Variants in GMIP observed in about 807,000 individuals in gnomAD.
The protein encoded by GMIP is GEM interacting protein.
GMIP carries 54 observed loss-of-function variants against 105.3 expected under a neutral mutation model. The observed-to-expected ratio is 0.51, with a 90% confidence interval of 0.41 to 0.64. The LOEUF (loss-of-function observed/expected upper bound fraction) is 0.64. Among genes scored for constraint, GMIP ranks in the 30% least tolerant of loss-of-function variants. The pLI is 0.00. For synonymous variants in GMIP, 541 were observed against 560.8 expected (o/e 0.96, Z 0.50); for missense variants, 1,110 against 1,319.4 (o/e 0.84, Z 2.46).
intron 2 of GMIP, 85 bp from the exon 3 acceptor site, chr19:19,642,136 G>T: frequency 1.3e-6 from 1 of 778,340 alleles, no homozygotes. Context: ...GTTGTTTGTG[G>T]CAAACATCAC....
chr19:19,642,002 G>T lies in GMIP; in HGVS notation c.154C>A (p.Pro52Thr), dbSNP rs1289259295. 23 of 1,613,736 alleles carry T rather than the reference G, an allele frequency of 1.4e-5. No individual in the cohort carries two copies. Among genetic ancestry groups the T allele is most frequent in the Non-Finnish European group, 1.9e-5 (23 of 1,179,690 alleles). ...GDPLLSEDPE[P>T]DKTPTATVTN... is the part of the protein sequence containing the mutation. ...ACAGTGGCTGTAGGGGTCTTGTCAG[G>T]TTCTGGGTCTTCTGAGAGTAGAGGG... Residue 52 changes from proline (P) to threonine (T), a missense_variant, in exon 3 of 21, where the codon CCT becomes ACT. Physicochemically the swap from Pro to Thr is conservative, Grantham distance 38. Around this residue, in one of 3 missense-constraint regions of GMIP, gnomAD observed 667 missense variants for 773.2 expected, o/e 0.86. Coordinates refer to ENST00000203556, the MANE Select transcript of GMIP (RefSeq NM_016573.4).
intron 19 of GMIP, among the ~76,000 whole-genome samples, chr19:19,633,045 T>G (rs963312148): frequency 6.6e-6 from 1 of 151,416 alleles, no homozygotes; most frequent in Non-Finnish European, 1.5e-5. Flanking sequence ...CCTGGTGTCA[T>G]GTGTCTTACT....
chr19:19,630,442 A>G lies in GMIP; in HGVS notation c.2539+29T>C, dbSNP rs199879353. 7.4e-6 allele frequency: 12 copies of G among 1,610,760 alleles called. No homozygotes were observed. In the East Asian group the frequency reaches 2.7e-4, roughly 36 times the overall value. On this transcript the variant is annotated intron_variant, in intron 20 of 20. Transcript: ENST00000203556. The surrounding 1 kb of genome is among the most constrained non-coding windows in gnomAD (Gnocchi z 4.8). Reference sequence around the variant, plus strand: ...ACCCTGGGGCCAGGGCACCCCCAGAACTCCTGAGCCTCTCTCTAACATACT... The same window carrying G: ...ACCCTGGGGCCAGGGCACCCCCAGAGCTCCTGAGCCTCTCTCTAACATACT...
Position 19,635,398 on chromosome 19 carries a change from A to G in GMIP, c.1560+17T>C, listed in dbSNP as rs1460791822. 1.9e-6 allele frequency: 3 copies of G among 1,606,182 alleles called. No individual in the cohort carries two copies. In the African/African-American group the frequency reaches 4.0e-5, roughly 21 times the overall value. On this transcript the variant is annotated intron_variant, in intron 15 of 20. Coordinates refer to ENST00000203556, the MANE Select transcript of GMIP (RefSeq NM_016573.4). This position sits in a 1 kb window ranked among gnomAD's most constrained non-coding sequence, Gnocchi z 4.7. ...AAGGGTCAGCAAAGGTCATTTGGTC[A>G]TTAACCCAGGCCACACCTCCTCACA...
At chr19:19,643,272 T>C (rs1033027489) in intron 1 of GMIP, 12 of 475,614 alleles carry the variant, frequency 2.5e-5, no homozygotes, top group Non-Finnish European at 4.2e-5. Context: ...TCACTTCCCC[T>C]TCCTGGGCCC....
Position 19,636,804 on chromosome 19 carries a change from G to T in GMIP, c.1238-8C>A. The T allele has an allele frequency of 6.2e-7, 1 of 1,606,882 alleles. No individual in the cohort carries two copies. Among genetic ancestry groups the T allele is most frequent in the Non-Finnish European group, 8.5e-7 (1 of 1,175,452 alleles). ...GAGTGGGGCCTGGAGTCCCTAGGTGGCACAGGTCAATAAGGATGGTCCCCT... is the reference window on the plus strand; with the variant it reads ...GAGTGGGGCCTGGAGTCCCTAGGTGTCACAGGTCAATAAGGATGGTCCCCT... On this transcript the variant is annotated splice_polypyrimidine_tract_variant and splice_region_variant and intron_variant, in intron 12 of 20. Transcript: ENST00000203556.
intron 7 of GMIP, among the ~76,000 whole-genome samples, chr19:19,639,709 C>A (rs756289322): frequency 1.3e-5 from 2 of 151,934 alleles, no homozygotes; most frequent in Non-Finnish European, 2.9e-5. Context: ...ATTAGCCGGG[C>A]GTGGTGGCAG....
At chr19:19,642,081 C>T in intron 2 of GMIP, 30 bp from the exon 3 acceptor site, 7 of 1,501,308 alleles carry the variant, frequency 4.7e-6, no homozygotes, top group Non-Finnish European at 6.5e-6. Flanking sequence ...CAGGATGCCA[C>T]CTTACACCCA....
At position 19,634,629 on chromosome 19, in the gene GMIP, A is replaced by G; in HGVS notation, c.1962T>C (p.Pro654=). The part of the protein sequence containing the change: ...ISLAKTLHAD[P]GDDPGTPSPS... ...GGCTGGGGGTCCCAGGGTCGTCCCC[A>G]GGGTCTGCATGCAAGGTCTTAGCCA... is the stretch of plus-strand genomic sequence containing the variant. Residue 654 remains proline (P), a synonymous_variant, in exon 18 of 21, where the codon CCT becomes CCC. Coordinates refer to ENST00000203556, the MANE Select transcript of GMIP (RefSeq NM_016573.4). This position sits in a 1 kb window ranked among gnomAD's most constrained non-coding sequence, Gnocchi z 6.1. 2 of 1,613,392 alleles carry G rather than the reference A, an allele frequency of 1.2e-6. No individual in the cohort carries two copies. The highest frequency in any genetic ancestry group is 8.5e-7 in the Non-Finnish European group (1 of 1,179,760).
In GMIP at chr19:19,634,147, G is replaced by A. The variant is rs1029316590; in HGVS notation, c.2128C>T (p.Leu710=). 6.2e-7 allele frequency: 1 copy of A among 1,608,058 alleles called. No individual in the cohort carries two copies. Among genetic ancestry groups the A allele is most frequent in the Non-Finnish European group, 8.5e-7 (1 of 1,176,188 alleles). The change falls in exon 19 of 21, where the codon CTG becomes TTG. Residue 710 remains leucine, a synonymous_variant. Transcript: ENST00000203556. This position sits in a 1 kb window ranked among gnomAD's most constrained non-coding sequence, Gnocchi z 6.1. The part of the protein sequence containing the change: ...FMENKMSANN[L]GIVFGPTLLR... Reference sequence around the variant, plus strand: ...AGTGTCGGCCCAAACACAATGCCCAGGTTGTTGGCAGACATCTTGTTTTCC... The same window carrying A: ...AGTGTCGGCCCAAACACAATGCCCAAGTTGTTGGCAGACATCTTGTTTTCC...
At position 19,634,100 on chromosome 19, in the gene GMIP, C is replaced by T. The variant is rs45521232; in HGVS notation, c.2175G>A (p.Pro725=). 2.5e-5 allele frequency: 40 copies of T among 1,612,762 alleles called. No homozygotes were observed. Among genetic ancestry groups the T allele is most frequent in the Admixed American group, 1.7e-4 (10 of 59,970 alleles). Reference sequence around the variant, plus strand: ...TGACAGGGATGGCGCTGGCTGCCCGCGGGCCGTCCGGCGGCCGCAGCAGTG... The same window carrying T: ...TGACAGGGATGGCGCTGGCTGCCCGTGGGCCGTCCGGCGGCCGCAGCAGTG... ...GPTLLRPPDG[P]RAASAIPVTC... is the part of the protein sequence containing the mutation. Residue 725 remains proline, a synonymous_variant, in exon 19 of 21, where the codon CCG becomes CCA. Coordinates refer to ENST00000203556, the MANE Select transcript of GMIP (RefSeq NM_016573.4). The surrounding 1 kb of genome is among the most constrained non-coding windows in gnomAD (Gnocchi z 6.1).
In GMIP at chr19:19,640,092, T is replaced by C; in HGVS notation, c.530A>G (p.Tyr177Cys). ...METVAQQKRD[Y>C]YQPLAAKRTE... The stretch of plus-strand genomic sequence containing the variant: ...CCACCCTGCCCCCCTCACCTGGTAG[T>C]AGTCTCTTTTCTGCTGGGCCACTGT... Residue 177 changes from tyrosine to cysteine, a missense_variant, in exon 7 of 21, where the codon TAC becomes TGC. Physicochemically the swap from Tyr to Cys is radical, Grantham distance 194 (BLOSUM62 -2). This residue lies in a region of GMIP where 667 missense variants were observed against 773.2 expected (regional missense o/e 0.86). Coordinates refer to ENST00000203556, the MANE Select transcript of GMIP (RefSeq NM_016573.4). 1 of 1,589,790 alleles carries C rather than the reference T, an allele frequency of 6.3e-7. No individual in the cohort carries two copies. Among genetic ancestry groups the C allele is most frequent in the Non-Finnish European group, 8.6e-7 (1 of 1,157,876 alleles).
Position 19,637,639 on chromosome 19 carries a change from T to C in GMIP, c.928-78A>G. 8.4e-7 allele frequency: 1 copy of C among 1,197,504 alleles called. No homozygotes were observed. Among genetic ancestry groups the C allele is most frequent in the Non-Finnish European group, 1.1e-6 (1 of 887,544 alleles). The allele number at this position is 1,197,504 out of a possible 1,614,324, so 74.2% of individuals were successfully genotyped here. A position where few individuals can be genotyped will look rare whatever the true frequency, so the allele number is the denominator to read the frequency against. On this transcript the variant is annotated intron_variant, in intron 10 of 20. Coordinates refer to ENST00000203556, the MANE Select transcript of GMIP (RefSeq NM_016573.4). This position sits in a 1 kb window ranked among gnomAD's most constrained non-coding sequence, Gnocchi z 6.7. ...GCAGGGCCAGAGCTGGGGCGGGGCT[T>C]GAGAGACGCGAACGTGGTCAGGGTT...
At chr19:19,638,081 C>A (rs373446778) in intron 9 of GMIP, 24 bp from the exon 10 acceptor site, 7 of 1,544,540 alleles carry the variant, frequency 4.5e-6, no homozygotes, top group Middle Eastern at 4.4e-4. Context: ...AGGCCAGGAG[C>A]GGGGTGGGGC....
At chr19:19,641,341 A>G (rs1236681860) in intron 4 of GMIP, among the ~76,000 whole-genome samples, 1 of 151,934 alleles carries the variant, frequency 6.6e-6, no homozygotes, top group African/African-American at 2.4e-5. Context: ...CTCAGCCTCC[A>G]AAGTGCTGGG....
chr19:19,642,373 A>G (rs1450691085), intron 2 of GMIP, among the ~76,000 whole-genome samples, 162 bp downstream of exon 2: 1 of 152,092 alleles, frequency 6.6e-6, no homozygotes, highest in Non-Finnish European at 1.5e-5. Flanking sequence ...GGACACTTTT[A>G]GGATACCGAG....
Position 19,634,625 on chromosome 19 carries a change from C to A in GMIP, c.1966G>T (p.Asp656Tyr), listed in dbSNP as rs200618177. The A allele has an allele frequency of 5.0e-6, 8 of 1,613,228 alleles. No individual in the cohort carries two copies. The highest frequency in any genetic ancestry group is 5.9e-6 in the Non-Finnish European group (7 of 1,179,734). The change falls in exon 18 of 21, where the codon GAC becomes TAC. Residue 656 changes from aspartate (D) to tyrosine (Y), a missense_variant. By Grantham distance (160) the Asp-to-Tyr change is radical. Around this residue, in one of 3 missense-constraint regions of GMIP, gnomAD observed 394 missense variants for 450.5 expected, o/e 0.87. Transcript: ENST00000203556. This position sits in a 1 kb window ranked among gnomAD's most constrained non-coding sequence, Gnocchi z 6.1. ...CTGGGGCTGGGGGTCCCAGGGTCGTCCCCAGGGTCTGCATGCAAGGTCTTA... is the reference window on the plus strand; with the variant it reads ...CTGGGGCTGGGGGTCCCAGGGTCGTACCCAGGGTCTGCATGCAAGGTCTTA... The part of the protein sequence containing the change: ...LAKTLHADPG[D>Y]DPGTPSPSPE...
rs775675766 is a variant in GMIP, at chr19:19,634,904, C to T, written c.1775G>A (p.Arg592Gln). 6.8e-6 allele frequency: 11 copies of T among 1,613,926 alleles called. No individual in the cohort carries two copies. Among genetic ancestry groups the T allele is most frequent in the Admixed American group, 3.3e-5 (2 of 60,004 alleles). The change falls in exon 17 of 21, where the codon CGG becomes CAG. Residue 592 changes from arginine to glutamine, a missense_variant. This residue lies in a region of GMIP where 49 missense variants were observed against 95.6 expected (regional missense o/e 0.51). Coordinates refer to ENST00000203556, the MANE Select transcript of GMIP (RefSeq NM_016573.4). This position sits in a 1 kb window ranked among gnomAD's most constrained non-coding sequence, Gnocchi z 6.1. ...CTGGCACAGCCGCTCCACACGGACCCGGGACCCGCTGACCCGGTAAATGCC... is the reference window on the plus strand; with the variant it reads ...CTGGCACAGCCGCTCCACACGGACCTGGGACCCGCTGACCCGGTAAATGCC... ...VQGIYRVSGS[R>Q]VRVERLCQAF...
chr19:19,633,714 T>G, intron 19 of GMIP, 89 bp downstream of exon 19: 1 of 1,033,208 alleles, frequency 9.7e-7, no homozygotes, highest in East Asian at 2.8e-5. Context: ...TGAAGGAAAT[T>G]TTAAAAAGGA....
Sources: allele counts gnomAD v4.1 joint callset (sites outside exome capture counted in the v4.1 genomes callset), GRCh38; gene constraint gnomAD v4.1.1; regional missense constraint gnomAD v4.1.1; non-coding constraint Gnocchi (gnomAD v3.1); transcripts MANE v1.5; gene names NCBI Gene and HGNC (gene_info 2026-07-23, HGNC 2026-07-21).